The following PHF20 variants were observed in gnomAD, a reference collection of about 807,000 sequenced individuals.
PHF20 encodes the protein PHD finger protein 20.
A neutral mutation model predicts 113.5 loss-of-function variants in PHF20; 23 were observed. The observed-to-expected ratio is 0.20, with a 90% CI of 0.15 to 0.29. PHF20 has a LOEUF of 0.29. Among genes scored for constraint, PHF20 ranks in the 10% least tolerant of loss-of-function variants. The pLI is 1.00. For synonymous variants in PHF20, 434 were observed against 457.3 expected (o/e 0.95, Z 0.65); for missense variants, 943 against 1,219.6 (o/e 0.77, Z 3.38).
chr20:35,817,788 C>G (rs57126008), intron 2 of PHF20, among the ~76,000 whole-genome samples: 20 of 151,096 alleles, frequency 1.3e-4, no homozygotes, highest in Non-Finnish European at 2.5e-4. Flanking sequence ...AGAGTGATAC[C>G]CTGTCTCAAA....
chr20:35,833,842 G>A (rs1027761696), intron 2 of PHF20, among the ~76,000 whole-genome samples: 4 of 151,990 alleles, frequency 2.6e-5, no homozygotes, highest in African/African-American at 7.2e-5. Context: ...GGCAGATCAC[G>A]AAGTCAGGAG....
At chr20:35,817,960 T>A (rs942305376) in intron 2 of PHF20, among the ~76,000 whole-genome samples, 2 of 151,246 alleles carry the variant, frequency 1.3e-5, no homozygotes, top group African/African-American at 2.4e-5. Flanking sequence ...AATATAAAAA[T>A]TATATTTTTA....
chr20:35,845,272 A>G (rs1291867488), intron 3 of PHF20: 1 of 150,452 alleles, frequency 6.6e-6, no homozygotes, highest in African/African-American at 2.5e-5. Context: ...TTTTTATTAT[A>G]CTTTAAGTTC....
intron 2 of PHF20, among the ~76,000 whole-genome samples, chr20:35,803,209 G>A (rs1475196176): frequency 2.8e-5 from 4 of 142,454 alleles, no homozygotes; most frequent in African/African-American, 7.8e-5. Context: ...CCAAGATCGC[G>A]CCACTGCACT....
At chr20:35,885,424 A>G (rs1248086567) in intron 9 of PHF20, among the ~76,000 whole-genome samples, 1 of 119,542 alleles carries the variant, frequency 8.4e-6, no homozygotes, top group African/African-American at 3.5e-5. Context: ...ACAGACCTTC[A>G]GTCTTCTACT....
chr20:35,870,854 C>A, intron 7 of PHF20, 101 bp from the exon 8 acceptor site: 1 of 754,926 alleles, frequency 1.3e-6, no homozygotes, highest in Non-Finnish European at 2.1e-6. Context: ...AGTAGTCTCT[C>A]TGTAAAGTCC....
At chr20:35,871,934 T>C (rs2054430546) in intron 9 of PHF20, 105 bp downstream of exon 9, 1 of 739,542 alleles carries the variant, frequency 1.4e-6, no homozygotes, top group African/African-American at 1.8e-5. Flanking sequence ...TTTTCACCTT[T>C]TATTAATATT....
intron 17 of PHF20, among the ~76,000 whole-genome samples, chr20:35,945,930 G>A (rs900646878): frequency 2.0e-5 from 3 of 152,212 alleles, no homozygotes; most frequent in African/African-American, 7.2e-5. Flanking sequence ...CACTTTCAAA[G>A]TGGCCAAGGC....
chr20:35,938,687 C>A lies in PHF20; in HGVS notation c.2301-10C>A. 6.3e-7 allele frequency: 1 copy of A among 1,592,524 alleles called. No individual in the cohort carries two copies. ...CTCCAAAGCCCATGTCCTCTTTGTC[C>A]TCTCAACAGAAGCCGGGAGCATCCT... On this transcript the variant is annotated splice_polypyrimidine_tract_variant and intron_variant, in intron 15 of 17. Transcript: ENST00000374012.
rs570870031 is a variant in PHF20, at chr20:35,868,997, AG to A, written c.809-439del. 2.4e-3 allele frequency among the ~76,000 whole-genome samples: 359 copies of A among 152,186 alleles called. 1 individual carries two copies. The highest frequency in any genetic ancestry group is 0.017 in the Middle Eastern group (5 of 294). On this transcript the variant is annotated intron_variant, in intron 6 of 17. Transcript: ENST00000374012. The stretch of plus-strand genomic sequence containing the variant: ...TCCCACCTACTCCGGAGGCTGAGGC[AG>A]GAGAATCGTTTGCACCTGGGAGGCG...
intron 2 of PHF20, among the ~76,000 whole-genome samples, chr20:35,814,887 AAAAT>A (rs1468246898): frequency 3.4e-5 from 5 of 147,124 alleles, no homozygotes; most frequent in African/African-American, 1.0e-4. Context: ...AAAAAAAAAA[AAAAT>A]AAAATAAATA....
rs2042734101 is a variant in PHF20 at position 35,851,630 on chromosome 20, G to C, written c.340+4196G>C. Among the ~76,000 whole-genome samples the C allele has an allele frequency of 2.8e-5, 4 of 141,982 alleles. No individual in the cohort carries two copies. The South Asian group carries it at 1.0e-3, about 36-fold the overall frequency. The allele number at this position is 141,982 out of a possible 152,430, so 93.1% of individuals were successfully genotyped here. ...CTAGATAGCCTTTAACGATGTCAAT[G>C]TCTGGCCAGGCGCAGTGGCTTATGC... On this transcript the variant is annotated intron_variant, in intron 4 of 17. Transcript: ENST00000374012.
chr20:35,819,164 C>G lies in PHF20; in HGVS notation c.83+17559C>G, dbSNP rs573025831. On this transcript the variant is annotated intron_variant, in intron 2 of 17. Coordinates refer to ENST00000374012, the MANE Select transcript of PHF20 (RefSeq NM_016436.5). The stretch of plus-strand genomic sequence containing the variant: ...CAGCCTGGTCTCGAACTCCTGACCT[C>G]AGGTGATCTGCCCGCCTCAGCCTCC... Among the ~76,000 whole-genome samples the G allele has an allele frequency of 1.3e-4, 20 of 152,284 alleles. No homozygotes were observed. In the East Asian group the frequency reaches 3.7e-3, roughly 28 times the overall value.
At chr20:35,804,321 C>T (rs751162707) in intron 2 of PHF20, among the ~76,000 whole-genome samples, 3 of 150,282 alleles carry the variant, frequency 2.0e-5, no homozygotes, top group Non-Finnish European at 4.4e-5. Context: ...GCAAGCACTG[C>T]CTCCTGGGTT....
chr20:35,849,023 G>A (rs2042672099), intron 4 of PHF20, among the ~76,000 whole-genome samples: 1 of 152,120 alleles, frequency 6.6e-6, no homozygotes, highest in East Asian at 1.9e-4. Context: ...TTAATTGAAG[G>A]ACATGAAAAT....
At chr20:35,862,879 G>A (rs111615263) in intron 5 of PHF20, 134 bp from the exon 6 acceptor site, 6 of 780,840 alleles carry the variant, frequency 7.7e-6, no homozygotes, top group African/African-American at 5.2e-5. Flanking sequence ...TGTTGTCAGT[G>A]GTGCTTTGTA....
At chr20:35,904,180 T>A (rs1397905250) in intron 10 of PHF20, among the ~76,000 whole-genome samples, 1 of 152,016 alleles carries the variant, frequency 6.6e-6, no homozygotes, top group African/African-American at 2.4e-5. Context: ...AGTGTGAACT[T>A]GACATTCTGC....
At chr20:35,820,849 T>TA (rs1214004069) in intron 2 of PHF20, among the ~76,000 whole-genome samples, 1 of 152,024 alleles carries the variant, frequency 6.6e-6, no homozygotes, top group African/African-American at 2.4e-5. Flanking sequence ...GACAGACATT[T>TA]AAATAGAGTC....
chr20:35,880,170 G>A (rs2054602012), intron 9 of PHF20, among the ~76,000 whole-genome samples: 1 of 152,190 alleles, frequency 6.6e-6, no homozygotes, highest in Admixed American at 6.5e-5. Context: ...TTGCCTCTTG[G>A]GGAGAGGTGA....
Sources: allele counts gnomAD v4.1 joint callset (sites outside exome capture counted in the v4.1 genomes callset), GRCh38; gene constraint gnomAD v4.1.1; transcripts MANE v1.5; gene names NCBI Gene and HGNC (gene_info 2026-07-23, HGNC 2026-07-21).